The following DOCK3 variants were observed in gnomAD, a reference collection of about 807,000 sequenced individuals.
The protein encoded by DOCK3 is dedicator of cytokinesis protein 3.
DOCK3 carries 60 observed loss-of-function variants against 265.6 expected under a neutral mutation model. The ratio of observed to expected loss-of-function variants is 0.23; its 90% CI spans 0.18 to 0.28. The LOEUF (loss-of-function observed/expected upper bound fraction) is 0.28. Ranked by LOEUF, DOCK3 falls within the 10% of genes least tolerant of loss-of-function variation. DOCK3 has a pLI of 1.00. For missense variants in DOCK3, 1,981 were observed against 2,594.3 expected (o/e 0.76, Z 5.14); for synonymous variants, 881 against 938.0 (o/e 0.94, Z 1.11).
At chr3:51,164,298 A>T (rs576663429) in intron 12 of DOCK3, among the ~76,000 whole-genome samples, 41 of 152,308 alleles carry the variant, frequency 2.7e-4, no homozygotes, top group Non-Finnish European at 4.7e-4. Context: ...GATTAACATA[A>T]CTTACCCGAA....
At chr3:51,240,970 T>G (rs1576504051) in intron 21 of DOCK3, among the ~76,000 whole-genome samples, 1 of 152,204 alleles carries the variant, frequency 6.6e-6, no homozygotes, top group Non-Finnish European at 1.5e-5. Context: ...GATCCTGTTA[T>G]GATGTTAGCT....
At chr3:51,138,758 A>T (rs2084919017) in intron 9 of DOCK3, among the ~76,000 whole-genome samples, 4 of 152,170 alleles carry the variant, frequency 2.6e-5, no homozygotes. Flanking sequence ...TTTCCTTCCG[A>T]AGAATAGTAC....
intron 37 of DOCK3, among the ~76,000 whole-genome samples, chr3:51,340,666 G>A (rs577086169): frequency 6.6e-6 from 1 of 152,344 alleles, no homozygotes; most frequent in East Asian, 1.9e-4. Context: ...AGGCCCCTGA[G>A]CCGTGGCTGT....
chr3:51,119,691 C>A (rs1460680165), intron 9 of DOCK3, among the ~76,000 whole-genome samples: 3 of 151,954 alleles, frequency 2.0e-5, no homozygotes, highest in Non-Finnish European at 2.9e-5. Context: ...ATCTTGTCTT[C>A]ACGACTTATT....
intron 10 of DOCK3, among the ~76,000 whole-genome samples, chr3:51,156,977 T>C (rs1314609240): frequency 6.6e-6 from 1 of 152,212 alleles, no homozygotes; most frequent in East Asian, 1.9e-4. Context: ...AACCTGGTTT[T>C]CAATTTTCAC....
rs571300335 is a variant in DOCK3, at chr3:51,364,283, T to G, written c.5293+1609T>G. On this transcript the variant is annotated intron_variant, in intron 49 of 52. Transcript: ENST00000266037. ...TGTGTCTGTTGGCTGCATAAATGTC[T>G]TCTTTTGAGAAGTGTCTGTTCATAT... Among the ~76,000 whole-genome samples the G allele has an allele frequency of 1.6e-4, 25 of 152,372 alleles. No individual in the cohort carries two copies. The East Asian group carries it at 4.8e-3, about 29-fold the overall frequency.
At chr3:50,939,006 T>A (rs2051549177) in intron 5 of DOCK3, among the ~76,000 whole-genome samples, 1 of 151,530 alleles carries the variant, frequency 6.6e-6, no homozygotes, top group Non-Finnish European at 1.5e-5. Context: ...AAAAACTGGT[T>A]TATAAAAGAT....
At chr3:51,322,165 G>T (rs1176378645) in intron 32 of DOCK3, among the ~76,000 whole-genome samples, 1 of 152,154 alleles carries the variant, frequency 6.6e-6, no homozygotes, top group Non-Finnish European at 1.5e-5. Flanking sequence ...AGCCAGAAGA[G>T]AGTGGGGGCC....
At chr3:51,147,878 A>G (rs1342409180) in intron 10 of DOCK3, among the ~76,000 whole-genome samples, 1 of 152,188 alleles carries the variant, frequency 6.6e-6, no homozygotes, top group Non-Finnish European at 1.5e-5. Context: ...ACAGGGTCAA[A>G]TGGTATTTCT....
chr3:50,989,550 C>T (rs539203013), intron 5 of DOCK3, among the ~76,000 whole-genome samples: 2 of 152,206 alleles, frequency 1.3e-5, no homozygotes, highest in Non-Finnish European at 2.9e-5. Flanking sequence ...AAATACCTCT[C>T]TTACATACCC....
At position 51,383,715 on chromosome 3, in the gene DOCK3, G is replaced by A. The variant is rs543856535; in HGVS notation, c.*2156G>A. 14 of 152,652 alleles carry A rather than the reference G, an allele frequency of 9.2e-5. No individual in the cohort carries two copies. The highest frequency in any genetic ancestry group is 7.8e-4 in the Admixed American group (12 of 15,298). The allele number at this position is 152,652 out of a possible 1,614,324, so 9.5% of individuals were successfully genotyped here. On this transcript the variant is annotated 3_prime_UTR_variant, in exon 53 of 53. Transcript: ENST00000266037. ...TTGTTGGAGAATAAGTCAGTCTGAGGGGAAATGGGAGGCCAGAGATGAGAA... is the reference window on the plus strand; with the variant it reads ...TTGTTGGAGAATAAGTCAGTCTGAGAGGAAATGGGAGGCCAGAGATGAGAA...
chr3:51,325,012 A>C (rs2084000450), intron 32 of DOCK3, among the ~76,000 whole-genome samples: 1 of 152,196 alleles, frequency 6.6e-6, no homozygotes. Flanking sequence ...GCATGGGCAA[A>C]GATTTCATGA....
chr3:51,035,847 C>G (rs2080243131), intron 5 of DOCK3, among the ~76,000 whole-genome samples: 1 of 152,128 alleles, frequency 6.6e-6, no homozygotes, highest in South Asian at 2.1e-4. Context: ...TCTGTGCATG[C>G]ATAACTCAGA....
intron 5 of DOCK3, among the ~76,000 whole-genome samples, chr3:51,062,646 A>G (rs1386238860): frequency 2.0e-5 from 3 of 152,206 alleles, no homozygotes; most frequent in Non-Finnish European, 4.4e-5. Context: ...GGGACTTTTG[A>G]TCACAACAAA....
chr3:51,171,673 G>C (rs988023522), intron 12 of DOCK3, among the ~76,000 whole-genome samples: 1 of 148,498 alleles, frequency 6.7e-6, no homozygotes, highest in East Asian at 2.0e-4. Flanking sequence ...CCGAGATCTT[G>C]CCACTGCACT....
chr3:50,806,920 G>C (rs1160256078), intron 2 of DOCK3, among the ~76,000 whole-genome samples: 2 of 151,726 alleles, frequency 1.3e-5, no homozygotes, highest in African/African-American at 4.8e-5. Flanking sequence ...CTGGACTCAG[G>C]GGGTGTAAGG....
intron 49 of DOCK3, among the ~76,000 whole-genome samples, chr3:51,371,084 AC>A (rs948372375): frequency 2.6e-5 from 4 of 152,180 alleles, no homozygotes; most frequent in African/African-American, 9.7e-5. Context: ...GGAAGTCCCC[AC>A]GTTTCTAGTC....
intron 1 of DOCK3, among the ~76,000 whole-genome samples, chr3:50,691,283 CAA>C (rs371533246): frequency 6.1e-4 from 39 of 64,254 alleles, no homozygotes; most frequent in Admixed American, 1.3e-3. Context: ...GACTCTGTCT[CAA>C]AAAAAAAAAA....
Position 51,133,859 on chromosome 3 carries a change from A to C in DOCK3, c.747-12690A>C, listed in dbSNP as rs4927963. ...ATTGAGAAGGAACTTCAGAGATGAT[A>C]GAATGTTCTTTCATCACCCAGGTAC... On this transcript the variant is annotated intron_variant, in intron 9 of 52. Transcript: ENST00000266037. 6.1e-3 allele frequency among the ~76,000 whole-genome samples: 928 copies of C among 152,226 alleles called. 30 individuals are homozygous for C. The highest frequency in any genetic ancestry group is 0.044 in the Admixed American group (676 of 15,280).
Sources: allele counts gnomAD v4.1 joint callset (sites outside exome capture counted in the v4.1 genomes callset), GRCh38; gene constraint gnomAD v4.1.1; transcripts MANE v1.5; gene names NCBI Gene and HGNC (gene_info 2026-07-23, HGNC 2026-07-21).